The following FSTL1 variants were observed in gnomAD, a reference collection of about 807,000 sequenced individuals.
FSTL1 encodes the protein follistatin-related protein 1.
FSTL1 carries 24 observed loss-of-function variants against 45.9 expected under a neutral mutation model. The ratio of observed to expected loss-of-function variants is 0.52; its 90% CI spans 0.38 to 0.74. The LOEUF (loss-of-function observed/expected upper bound fraction) is 0.74, where lower values mean the gene tolerates loss of function less well. FSTL1 is among the 30% of genes least tolerant of loss of function. The pLI is 0.00. For missense variants in FSTL1, 340 were observed against 381.8 expected, an observed-to-expected ratio of 0.89 and a Z score of 0.91; for synonymous variants, 120 against 137.6, an observed-to-expected ratio of 0.87 and a Z score of 0.89.
chr3:120,403,592 T>A (rs80249294), intron 7 of FSTL1, among the ~76,000 whole-genome samples: 7,565 of 152,172 alleles, frequency 0.05, 400 homozygotes, highest in Admixed American at 0.17. Flanking sequence ...TGTCCAAATG[T>A]TCCCCCCCTT....
At chr3:120,405,622 C>A (rs1936932127) in intron 6 of FSTL1, among the ~76,000 whole-genome samples, 1 of 152,248 alleles carries the variant, frequency 6.6e-6, no homozygotes, top group African/African-American at 2.4e-5. Context: ...CTCCTCTGCC[C>A]TGTGGGCCCC....
At chr3:120,431,881 G>C (rs1454571034) in intron 2 of FSTL1, among the ~76,000 whole-genome samples, 1 of 152,170 alleles carries the variant, frequency 6.6e-6, no homozygotes, top group Non-Finnish European at 1.5e-5. Flanking sequence ...TGAGGACCTA[G>C]TCCTTCAAAA....
At chr3:120,409,885 CAG>C (rs1232329142) in intron 5 of FSTL1, 3 of 369,950 alleles carry the variant, frequency 8.1e-6, no homozygotes, top group Admixed American at 4.4e-5. Context: ...AATATTGAAA[CAG>C]AGAGATTTTG....
At chr3:120,435,635 A>T (rs1057505376) in intron 2 of FSTL1, among the ~76,000 whole-genome samples, 1 of 152,218 alleles carries the variant, frequency 6.6e-6, no homozygotes. Context: ...CCCCAAATAC[A>T]TGCACACACT....
At chr3:120,445,055 G>A in intron 2 of FSTL1, among the ~76,000 whole-genome samples, 1 of 149,508 alleles carries the variant, frequency 6.7e-6, no homozygotes. Flanking sequence ...AGGGCAAAGT[G>A]GTCTAACAGA....
chr3:120,407,749 T>C (rs1210475586), intron 6 of FSTL1, among the ~76,000 whole-genome samples: 1 of 152,208 alleles, frequency 6.6e-6, no homozygotes, highest in East Asian at 1.9e-4. Context: ...TGTTTTCTCC[T>C]GTTAGACACT....
chr3:120,441,754 C>CA (rs1250703917), intron 2 of FSTL1, among the ~76,000 whole-genome samples: 2 of 152,220 alleles, frequency 1.3e-5, no homozygotes, highest in African/African-American at 4.8e-5. Flanking sequence ...ACTAACACTG[C>CA]ACACTGTGTG....
At chr3:120,399,153 G>A (rs780892576) in intron 10 of FSTL1, among the ~76,000 whole-genome samples, 4 of 152,188 alleles carry the variant, frequency 2.6e-5, no homozygotes, top group South Asian at 2.1e-4. Context: ...TTCGGTCTAC[G>A]GACAGGTAAT....
chr3:120,413,996 C>CGG (rs1397415610), intron 3 of FSTL1, among the ~76,000 whole-genome samples: 3 of 151,738 alleles, frequency 2.0e-5, no homozygotes, highest in African/African-American at 7.3e-5. Flanking sequence ...TTGGCCAGGC[C>CGG]GGTCTCCAGC....
intron 2 of FSTL1, among the ~76,000 whole-genome samples, chr3:120,426,069 T>C (rs1031470302): frequency 3.9e-5 from 6 of 152,174 alleles, no homozygotes; most frequent in Non-Finnish European, 7.3e-5. Context: ...CACTGAAGTA[T>C]GTCTGGGGCT....
intron 9 of FSTL1, 87 bp downstream of exon 9, chr3:120,402,721 C>G: frequency 1.1e-6 from 1 of 872,220 alleles, no homozygotes. Context: ...GCCCTCTTCT[C>G]CATCATCCCC....
chr3:120,433,102 C>A (rs1456413943), intron 2 of FSTL1, among the ~76,000 whole-genome samples: 1 of 152,186 alleles, frequency 6.6e-6, no homozygotes, highest in African/African-American at 2.4e-5. Flanking sequence ...CAAAGAATTA[C>A]CAACAACAGA....
chr3:120,402,652 C>T (rs1936848852), intron 9 of FSTL1, among the ~76,000 whole-genome samples, 156 bp downstream of exon 9: 1 of 152,100 alleles, frequency 6.6e-6, no homozygotes, highest in African/African-American at 2.4e-5. Context: ...CAAAGCTCCC[C>T]ACTTGGGGCT....
intron 3 of FSTL1, 72 bp downstream of exon 3, chr3:120,415,851 C>A: frequency 1.2e-6 from 1 of 813,704 alleles, no homozygotes; most frequent in Non-Finnish European, 2.2e-6. Context: ...GCACTGCCTG[C>A]TGATGGGTGG....
At chr3:120,413,822 CGGT>C (rs1559737486) in intron 3 of FSTL1, among the ~76,000 whole-genome samples, 12 of 71,054 alleles carry the variant, frequency 1.7e-4, no homozygotes, top group Non-Finnish European at 2.0e-4. Context: ...TCTCTTTCCA[CGGT>C]CTCCCTCTCA....
At chr3:120,439,148 G>T (rs998104721) in intron 2 of FSTL1, among the ~76,000 whole-genome samples, 1 of 152,160 alleles carries the variant, frequency 6.6e-6, no homozygotes, top group Non-Finnish European at 1.5e-5. Context: ...GAGCAAGGCC[G>T]GAAAGCCTGC....
intron 3 of FSTL1, among the ~76,000 whole-genome samples, chr3:120,413,901 C>T (rs1226756723): frequency 6.6e-6 from 1 of 151,026 alleles, no homozygotes; most frequent in Non-Finnish European, 1.5e-5. Flanking sequence ...GCCTGATTCT[C>T]CTGACTCAGC....
chr3:120,403,128 C>G, intron 8 of FSTL1, 114 bp downstream of exon 8: 1 of 748,640 alleles, frequency 1.3e-6, no homozygotes, highest in South Asian at 1.6e-5. Context: ...AGTTTAGAAT[C>G]ATGGAAGGGG....
intron 6 of FSTL1, among the ~76,000 whole-genome samples, chr3:120,407,074 T>C (rs544893921): frequency 2.0e-5 from 3 of 152,342 alleles, no homozygotes; most frequent in Admixed American, 2.0e-4. Flanking sequence ...GGTGTGAAAT[T>C]TTCCACTTAT....
Sources: gnomAD v4.1 joint callset for allele counts (sites outside exome capture counted in the v4.1 genomes callset) on GRCh38, gnomAD v4.1.1 for gene constraint, MANE v1.5 for transcripts, NCBI Gene and HGNC (gene_info 2026-07-23, HGNC 2026-07-21) for gene names.